The following LBHD1 variants were observed in gnomAD, a reference collection of about 807,000 sequenced individuals.
The protein encoded by LBHD1 is LBH domain containing 1.
Under a neutral mutation model 31.1 loss-of-function variants are expected in LBHD1, and 28 were observed. The ratio of observed to expected loss-of-function variants is 0.90; its 90% CI spans 0.67 to 1.24. LBHD1 has a LOEUF of 1.24. LBHD1 is among the 50% of genes most tolerant of loss of function. The pLI, the probability that LBHD1 is intolerant of heterozygous loss-of-function variation, is 0.00. For synonymous variants in LBHD1, 105 were observed against 116.5 expected, an observed-to-expected ratio of 0.90 and a Z score of 0.63; for missense variants, 350 against 323.0, an observed-to-expected ratio of 1.08 and a Z score of -0.64.
At chr11:62,665,689 C>CAATAA (rs1944787857) in intron 4 of LBHD1, 11 of 1,458,560 alleles carry the variant, frequency 7.5e-6, no homozygotes, top group Middle Eastern at 1.8e-4. Flanking sequence ...CCGCTGCAGC[C>CAATAA]AATAAAGGCC....
rs532865554 is a variant in LBHD1, at chr11:62,669,943, A to G, written c.89T>C (p.Leu30Pro). Reference protein sequence around the residue: ...GSSQHPESPRLPNPLWDRGKI... With the variant: ...GSSQHPESPRPPNPLWDRGKI... ...TCCTCTGTCCCAGAGAGGGTTGGGC[A>G]GCCTGGGACTTTCTGGATGCTGGGA... is the stretch of plus-strand genomic sequence containing the variant. Residue 30 changes from leucine (L) to proline (P), a missense_variant, in exon 2 of 7, where the codon CTG becomes CCG. Coordinates refer to ENST00000354588, the MANE Select transcript of LBHD1 (RefSeq NM_024099.5). 6.2e-7 allele frequency: 1 copy of G among 1,614,186 alleles called. No homozygotes were observed. Among genetic ancestry groups the G allele is most frequent in the Admixed American group, 1.7e-5 (1 of 60,014 alleles).
chr11:62,666,493 T>C (rs1375887238), intron 4 of LBHD1: 3 of 1,613,988 alleles, frequency 1.9e-6, no homozygotes, highest in African/African-American at 2.7e-5. Flanking sequence ...ACTGGTTCTT[T>C]GGATACGACG....
chr11:62,666,208 C>T (rs753446870), intron 4 of LBHD1: 3 of 725,174 alleles, frequency 4.1e-6, no homozygotes, highest in African/African-American at 1.8e-5. Context: ...GGCACGATGG[C>T]GCCTATAGTC....
chr11:62,671,890 GA>G lies in LBHD1; in HGVS notation c.-338del. The G allele has an allele frequency of 6.2e-7, 1 of 1,613,792 alleles. No homozygotes were observed. The highest frequency in any genetic ancestry group is 8.5e-7 in the Non-Finnish European group (1 of 1,179,788). Reference sequence around the variant, plus strand: ...GGTAGAAGCAACTGGTAGTCCCGAGGAAGGGTGGGCGGGTGGAGAGCCCCGG... The same window carrying G: ...GGTAGAAGCAACTGGTAGTCCCGAGGAGGGTGGGCGGGTGGAGAGCCCCGG... On this transcript the variant is annotated 5_prime_UTR_variant, in exon 1 of 7. Coordinates refer to ENST00000354588, the MANE Select transcript of LBHD1 (RefSeq NM_024099.5).
At chr11:62,665,848 GCTT>G in intron 4 of LBHD1, 1 of 1,608,830 alleles carries the variant, frequency 6.2e-7, no homozygotes, top group Non-Finnish European at 8.5e-7. Flanking sequence ...CTTCACATAA[GCTT>G]CTCTGGTCGA....
At chr11:62,664,141 C>A (rs889909479) in intron 5 of LBHD1, among the ~76,000 whole-genome samples, 4 of 150,374 alleles carry the variant, frequency 2.7e-5, no homozygotes, top group African/African-American at 9.8e-5. Context: ...GGGAACTCTT[C>A]CTCAAGACAC....
Position 62,669,572 on chromosome 11 carries a change from G to T in LBHD1, c.313+69C>A. On this transcript the variant is annotated intron_variant, in intron 3 of 6. Coordinates refer to ENST00000354588, the MANE Select transcript of LBHD1 (RefSeq NM_024099.5). ...ACTGCTGAATGCAGGGGCCGTAACT[G>T]ACTTCCATCTTGGCTCTGCCCAGAA... The T allele has an allele frequency of 6.4e-7, 1 of 1,551,274 alleles. No homozygotes were observed. The highest frequency in any genetic ancestry group is 1.2e-5 in the South Asian group (1 of 80,046).
chr11:62,666,192 T>G, intron 4 of LBHD1: 1 of 716,706 alleles, frequency 1.4e-6, no homozygotes, highest in Non-Finnish European at 2.3e-6. Flanking sequence ...CAAAAAAAAT[T>G]AACCGGGCAC....
chr11:62,671,728 C>T lies in LBHD1; in HGVS notation c.-175G>A, dbSNP rs542585815. On this transcript the variant is annotated 5_prime_UTR_variant, in exon 1 of 7. Coordinates refer to ENST00000354588, the MANE Select transcript of LBHD1 (RefSeq NM_024099.5). ...GCGGGGAGCTCCCGTGGGCGCTCCG[C>T]TGGCTGTGCAGGCGGCCATGGATTC... 20 of 1,612,274 alleles carry T rather than the reference C, an allele frequency of 1.2e-5. No homozygotes were observed. The African/African-American group carries it at 2.0e-4, about 16-fold the overall frequency.
At chr11:62,665,359 C>G in intron 4 of LBHD1, 1 of 892,162 alleles carries the variant, frequency 1.1e-6, no homozygotes, top group South Asian at 1.5e-5. Context: ...CTGTAGTAGC[C>G]AGATTGGGCG....
intron 5 of LBHD1, 68 bp from the exon 6 acceptor site, chr11:62,663,401 T>C (rs1944706143): frequency 1.3e-6 from 2 of 1,505,192 alleles, no homozygotes; most frequent in Admixed American, 1.9e-5. Flanking sequence ...CAAATAGTTC[T>C]GGCTATAGAA....
chr11:62,666,393 C>A (rs1256065244), intron 4 of LBHD1: 1 of 1,607,832 alleles, frequency 6.2e-7, no homozygotes, highest in East Asian at 2.2e-5. Context: ...ACCGTGCCCA[C>A]AGGCTCACTG....
chr11:62,666,309 C>T (rs77103448), intron 4 of LBHD1: 17 of 1,213,428 alleles, frequency 1.4e-5, no homozygotes, highest in East Asian at 5.1e-5. Context: ...GACCCTGTCT[C>T]AAAAAAAAAA....
rs1009924584 is a variant in LBHD1 at position 62,671,594 on chromosome 11, T to C, written c.-41A>G. On this transcript the variant is annotated 5_prime_UTR_variant, in exon 1 of 7. Transcript: ENST00000354588. ...ATCCAAGCGCTCCGGATTCCAAACG[T>C]TTCCTCGAGCAGGTCCTCTCTAGCC... The C allele has an allele frequency of 6.8e-6, 10 of 1,477,618 alleles. No individual in the cohort carries two copies. The African/African-American group carries it at 1.3e-4, about 19-fold the overall frequency. 91.5% of individuals were successfully genotyped at this position (1,477,618 alleles called of 1,614,324 possible).
chr11:62,667,897 C>A (rs1944861942), intron 3 of LBHD1, 150 bp from the exon 4 acceptor site: 6 of 612,528 alleles, frequency 9.8e-6, no homozygotes, highest in Admixed American at 2.9e-5. Context: ...TAAAGTGACA[C>A]CCCTAACTCT....
intron 4 of LBHD1, chr11:62,666,082 T>A: frequency 9.5e-7 from 1 of 1,050,166 alleles, no homozygotes; most frequent in Non-Finnish European, 1.4e-6. Context: ...GCGTGGTGGC[T>A]CACGGCTGTA....
intron 4 of LBHD1, chr11:62,665,491 G>T: frequency 2.5e-6 from 4 of 1,575,738 alleles, no homozygotes; most frequent in Non-Finnish European, 3.4e-6. Context: ...GAGGGAAAGG[G>T]CTCTGGCCCC....
intron 4 of LBHD1, chr11:62,665,334 T>C (rs951110387): frequency 4.0e-6 from 3 of 753,486 alleles, no homozygotes; most frequent in African/African-American, 3.5e-5. Flanking sequence ...GGTGAGCTAG[T>C]AAGTGTGGTT....
intron 4 of LBHD1, chr11:62,666,833 G>A (rs1398492432): frequency 6.2e-7 from 1 of 1,614,214 alleles, no homozygotes; most frequent in South Asian, 1.1e-5. Flanking sequence ...ATGGGATGCT[G>A]TTGCCCGGGG....
Sources: allele counts gnomAD v4.1 joint callset (sites outside exome capture counted in the v4.1 genomes callset), GRCh38; gene constraint gnomAD v4.1.1; transcripts MANE v1.5; gene names NCBI Gene and HGNC (gene_info 2026-07-23, HGNC 2026-07-21).